RFX3: variants seen among roughly 807,000 people sequenced by gnomAD.
RFX3 encodes the protein regulatory factor X3.
Under a neutral mutation model 98.6 loss-of-function variants are expected in RFX3, and 14 were observed. That is an observed-to-expected ratio of 0.14 (90% confidence interval 0.09 to 0.22). The LOEUF is 0.22. Ranked by LOEUF, RFX3 falls within the 10% of genes least tolerant of loss-of-function variation. RFX3 has a pLI of 1.00. For synonymous variants in RFX3, 383 were observed against 328.4 expected (o/e 1.17, Z -1.80); for missense variants, 639 against 926.9 (o/e 0.69, Z 4.03).
intron 4 of RFX3, among the ~76,000 whole-genome samples, chr9:3,313,726 GC>G (rs779066439): frequency 3.3e-5 from 5 of 152,244 alleles, no homozygotes; most frequent in Non-Finnish European, 5.9e-5. Context: ...CGTGAAGGAT[GC>G]ACAAGCTTCA....
At chr9:3,411,292 C>T (rs896069655) in intron 1 of RFX3, among the ~76,000 whole-genome samples, 1 of 152,072 alleles carries the variant, frequency 6.6e-6, no homozygotes, top group African/African-American at 2.4e-5. Context: ...GGAGAGCAAC[C>T]CAGTCCATCT....
chr9:3,370,682 TA>T, intron 2 of RFX3, among the ~76,000 whole-genome samples: 1 of 152,122 alleles, frequency 6.6e-6, no homozygotes, highest in Non-Finnish European at 1.5e-5. Context: ...CTGTGCACTT[TA>T]CTGTAAATAA....
At chr9:3,400,207 A>C in intron 1 of RFX3, 1 of 981,264 alleles carries the variant, frequency 1.0e-6, no homozygotes. Flanking sequence ...GCACAAAGAC[A>C]AGTAAGAAAG....
intron 1 of RFX3, among the ~76,000 whole-genome samples, chr9:3,481,158 T>C (rs897586088): frequency 6.6e-6 from 1 of 152,144 alleles, no homozygotes; most frequent in African/African-American, 2.4e-5. Flanking sequence ...GTATTATCCC[T>C]CATTTACAAA....
rs557530780 is a variant in RFX3, at chr9:3,476,373, G to A, written c.-9+49374C>T. Among the ~76,000 whole-genome samples, 3 of 152,160 alleles carry A rather than the reference G, an allele frequency of 2.0e-5. No homozygotes were observed. In the East Asian group the frequency reaches 5.8e-4, roughly 29 times the overall value. On this transcript the variant is annotated intron_variant, in intron 1 of 16. Coordinates refer to ENST00000617270, the MANE Select transcript of RFX3 (RefSeq NM_001282116.2). ...CATCTATAAGCTGAACTTATTAAGT[G>A]CCAAGAGAGGATCATCAAATATAGG...
intron 1 of RFX3, among the ~76,000 whole-genome samples, chr9:3,467,129 A>AGTATATATGTATATACATAAATATTAT (rs1848340689): frequency 3.8e-5 from 5 of 131,648 alleles, no homozygotes; most frequent in African/African-American, 1.7e-4. Flanking sequence ...CATATATGTA[A>AGTATATATGTATATACATAAATATTAT]GTATATATGT....
At chr9:3,424,095 T>G (rs188978062) in intron 1 of RFX3, among the ~76,000 whole-genome samples, 2 of 149,608 alleles carry the variant, frequency 1.3e-5, no homozygotes, top group African/African-American at 4.9e-5. Context: ...TGCAGTGAGC[T>G]GAGATCGCGC....
intron 1 of RFX3, among the ~76,000 whole-genome samples, chr9:3,433,763 G>A (rs757603336): frequency 6.6e-5 from 10 of 152,260 alleles, no homozygotes; most frequent in East Asian, 5.8e-4. Flanking sequence ...ACTTGTTTAC[G>A]GACTAGAACA....
intron 15 of RFX3, among the ~76,000 whole-genome samples, chr9:3,241,210 T>G (rs1432010770): frequency 7.7e-6 from 1 of 130,080 alleles, no homozygotes; most frequent in Non-Finnish European, 1.6e-5. Context: ...CACTTTTTGG[T>G]CTAGGAGTTT....
intron 16 of RFX3, among the ~76,000 whole-genome samples, chr9:3,227,246 G>T (rs529321893): frequency 1.3e-5 from 2 of 152,302 alleles, no homozygotes; most frequent in East Asian, 3.9e-4. Context: ...AGTGAGGAAA[G>T]TTCCTCTGTC....
intron 1 of RFX3, among the ~76,000 whole-genome samples, chr9:3,486,159 A>T (rs1368380798): frequency 1.4e-4 from 21 of 150,994 alleles, no homozygotes; most frequent in African/African-American, 5.1e-4. Flanking sequence ...AAAAAGAATA[A>T]TACAGATATT....
At chr9:3,461,102 T>C (rs1424492504) in intron 1 of RFX3, among the ~76,000 whole-genome samples, 1 of 150,622 alleles carries the variant, frequency 6.6e-6, no homozygotes, top group African/African-American at 2.4e-5. Context: ...TTATTTAATA[T>C]AAATAATATT....
At chr9:3,488,539 T>C (rs1850465301) in intron 1 of RFX3, among the ~76,000 whole-genome samples, 2 of 152,170 alleles carry the variant, frequency 1.3e-5, no homozygotes, top group African/African-American at 2.4e-5. Flanking sequence ...ACTGTAATTA[T>C]TTCCTAGGAA....
chr9:3,444,711 A>G (rs1278225309), intron 1 of RFX3, among the ~76,000 whole-genome samples: 1 of 152,242 alleles, frequency 6.6e-6, no homozygotes, highest in Admixed American at 6.5e-5. Context: ...TGGCACAGCA[A>G]GTAAAATGCT....
At chr9:3,245,923 T>G (rs1342751616) in intron 15 of RFX3, among the ~76,000 whole-genome samples, 1 of 152,182 alleles carries the variant, frequency 6.6e-6, no homozygotes, top group Non-Finnish European at 1.5e-5. Flanking sequence ...AAGGTAGGCT[T>G]AGGATAATGT....
At position 3,365,386 on chromosome 9, in the gene RFX3, A is replaced by T. The variant is rs1056503281; in HGVS notation, c.118-18622T>A. On this transcript the variant is annotated intron_variant, in intron 2 of 16. Coordinates refer to ENST00000617270, the MANE Select transcript of RFX3 (RefSeq NM_001282116.2). ...AGTTTGCAAAAGACAGAATATTAGA[A>T]AATAATGCACTGCACATCATACACT... 4.6e-5 allele frequency among the ~76,000 whole-genome samples: 7 copies of T among 152,122 alleles called. No individual in the cohort carries two copies. In the South Asian group the frequency reaches 8.3e-4, roughly 18 times the overall value.
chr9:3,253,976 C>T (rs1821766208), intron 14 of RFX3, among the ~76,000 whole-genome samples: 1 of 152,168 alleles, frequency 6.6e-6, no homozygotes, highest in Non-Finnish European at 1.5e-5. Context: ...TGCCTACCAG[C>T]AGGAGGTATG....
intron 1 of RFX3, among the ~76,000 whole-genome samples, chr9:3,513,058 A>G (rs985250909): frequency 6.6e-5 from 10 of 152,112 alleles, no homozygotes; most frequent in South Asian, 2.1e-4. Flanking sequence ...TTAAAACTCA[A>G]TGGAAATCTA....
rs1445034723 is a variant in RFX3 at position 3,219,504 on chromosome 9, TAAAAG to T, written c.*5533_*5537del. On this transcript the variant is annotated 3_prime_UTR_variant, in exon 17 of 17. Coordinates refer to ENST00000617270, the MANE Select transcript of RFX3 (RefSeq NM_001282116.2). ...GAAAAAGAATCAAACCAGAACCAAA[TAAAAG>T]AAGAGACAAAACACATTTTTCTTTT... The T allele has an allele frequency of 3.4e-5, 5 of 148,064 alleles. No individual in the cohort carries two copies. The highest frequency in any genetic ancestry group is 6.7e-5 in the Admixed American group (1 of 14,918). 9.2% of individuals were successfully genotyped at this position (148,064 alleles called of 1,614,324 possible).
Sources: gnomAD v4.1 joint callset for allele counts (sites outside exome capture counted in the v4.1 genomes callset) on GRCh38, gnomAD v4.1.1 for gene constraint, MANE v1.5 for transcripts, NCBI Gene and HGNC (gene_info 2026-07-23, HGNC 2026-07-21) for gene names.